The following SLC22A8 variants were observed in gnomAD, a reference collection of about 807,000 sequenced individuals.
SLC22A8 encodes solute carrier family 22 member 8.
In SLC22A8, 40 loss-of-function variants were observed where a neutral mutation model predicts 48.4. That is an observed-to-expected ratio of 0.83 (90% CI 0.64 to 1.08). The LOEUF (loss-of-function observed/expected upper bound fraction) is 1.08, where lower values mean the gene tolerates loss of function less well. SLC22A8 is among the 50% of genes least tolerant of loss of function. SLC22A8 has a pLI of 0.00. For missense variants in SLC22A8, 606 were observed against 699.0 expected, an observed-to-expected ratio of 0.87 and a Z score of 1.50; for synonymous variants, 268 against 286.3, an observed-to-expected ratio of 0.94 and a Z score of 0.65.
intron 5 of SLC22A8, among the ~76,000 whole-genome samples, chr11:62,997,257 C>T (rs558012421): frequency 6.4e-4 from 98 of 152,244 alleles, no homozygotes; most frequent in African/African-American, 2.1e-3. Context: ...TGGAGCCTCG[C>T]ACTATCGCCT....
chr11:63,000,794 C>T lies in SLC22A8; in HGVS notation c.363G>A (p.Leu121=). 1 of 1,614,118 alleles carries T rather than the reference C, an allele frequency of 6.2e-7. No homozygotes were observed. The highest frequency in any genetic ancestry group is 8.5e-7 in the Non-Finnish European group (1 of 1,179,962). Residue 121 remains leucine, a synonymous_variant, in exon 3 of 11, where the codon CTG becomes CTA. Transcript: ENST00000336232. The part of the protein sequence containing the change: ...EWDLVCNSNK[L]KEMAQSIFMA... Reference sequence around the variant, plus strand: ...TGAAGATAGACTGGGCCATCTCCTTCAGTTTGTTGGAGTTGCACACCAAGT... The same window carrying T: ...TGAAGATAGACTGGGCCATCTCCTTTAGTTTGTTGGAGTTGCACACCAAGT...
chr11:62,993,723 C>G lies in SLC22A8; in HGVS notation c.1325+47G>C, dbSNP rs540650374. ...GGACAGGACAATGCCACAGTCCCACCTGACCTGTGTCCTCTGGCTGGGCCT... is the reference window on the plus strand; with the variant it reads ...GGACAGGACAATGCCACAGTCCCACGTGACCTGTGTCCTCTGGCTGGGCCT... On this transcript the variant is annotated intron_variant, in intron 9 of 10. Transcript: ENST00000336232. The G allele has an allele frequency of 3.8e-6, 6 of 1,587,182 alleles. No homozygotes were observed. In the Admixed American group the frequency reaches 1.0e-4, roughly 26 times the overall value.
In SLC22A8 at chr11:62,993,349, A is replaced by G; in HGVS notation, c.1530-13T>C. 1 of 1,613,808 alleles carries G rather than the reference A, an allele frequency of 6.2e-7. No homozygotes were observed. The highest frequency in any genetic ancestry group is 8.5e-7 in the Non-Finnish European group (1 of 1,179,844). On this transcript the variant is annotated splice_polypyrimidine_tract_variant and intron_variant, in intron 10 of 10. Transcript: ENST00000336232. ...TGCCCGCAGGGACCTAGGGACAGAG[A>G]GCTAAGGAAAAGCCCTGGGCCCAGA...
chr11:63,008,453 T>C (rs2086580845), intron 2 of SLC22A8, among the ~76,000 whole-genome samples: 1 of 152,134 alleles, frequency 6.6e-6, no homozygotes, highest in African/African-American at 2.4e-5. Context: ...GAGCCAGGTA[T>C]CTTGGGGACA....
intron 2 of SLC22A8, among the ~76,000 whole-genome samples, chr11:63,011,084 A>T (rs1195219173): frequency 2.0e-5 from 3 of 152,152 alleles, no homozygotes; most frequent in Non-Finnish European, 4.4e-5. Context: ...GGGAAGGAGG[A>T]TCTGTGATGT....
At chr11:63,001,933 A>AT (rs1259069589) in intron 2 of SLC22A8, among the ~76,000 whole-genome samples, 19 of 151,214 alleles carry the variant, frequency 1.3e-4, no homozygotes, top group Non-Finnish European at 2.2e-4. Flanking sequence ...AATTAAATTA[A>AT]TTTTTTTTTG....
intron 7 of SLC22A8, 65 bp from the exon 8 acceptor site, chr11:62,994,821 A>G: frequency 1.6e-6 from 2 of 1,229,838 alleles, no homozygotes; most frequent in Non-Finnish European, 2.4e-6. Flanking sequence ...CATGCTGGTC[A>G]TTGGGTCACC....
intron 4 of SLC22A8, chr11:62,999,300 C>T (rs944843881): frequency 4.4e-5 from 24 of 541,922 alleles, no homozygotes; most frequent in African/African-American, 2.6e-4. Flanking sequence ...AGGCTCAAGG[C>T]GATAGGACTC....
intron 2 of SLC22A8, among the ~76,000 whole-genome samples, chr11:63,014,175 T>C (rs1205334484): frequency 6.6e-6 from 1 of 152,156 alleles, no homozygotes; most frequent in African/African-American, 2.4e-5. Context: ...TCCAGGGGCA[T>C]TTCTGTAGGG....
intron 2 of SLC22A8, among the ~76,000 whole-genome samples, chr11:63,012,740 T>C (rs970950956): frequency 2.0e-5 from 3 of 152,240 alleles, no homozygotes; most frequent in African/African-American, 7.2e-5. Context: ...ACGTGTGTAT[T>C]CCACCAAACT....
Position 62,993,197 on chromosome 11 carries a change from A to T in SLC22A8, c.*40T>A. ...TATACTCCTAAGGTGCCTGGCTAGG[A>T]TCAGTCTCTGGAGGGCAGGGAAAGG... On this transcript the variant is annotated 3_prime_UTR_variant, in exon 11 of 11. Transcript: ENST00000336232. 6.6e-7 allele frequency: 1 copy of T among 1,518,592 alleles called. No individual in the cohort carries two copies. Among genetic ancestry groups the T allele is most frequent in the Non-Finnish European group, 9.1e-7 (1 of 1,102,728 alleles). 94.1% of individuals were successfully genotyped at this position (1,518,592 alleles called of 1,614,324 possible).
At chr11:63,007,771 A>G (rs1204379576) in intron 2 of SLC22A8, among the ~76,000 whole-genome samples, 1 of 152,202 alleles carries the variant, frequency 6.6e-6, no homozygotes, top group Non-Finnish European at 1.5e-5. Flanking sequence ...TGGGGAAGAA[A>G]GAGAAAAGCA....
rs955842693 is a variant in SLC22A8, at chr11:63,014,675, C to T, written c.284G>A (p.Cys95Tyr). 6.2e-7 allele frequency: 1 copy of T among 1,612,204 alleles called. No individual in the cohort carries two copies. The highest frequency in any genetic ancestry group is 8.5e-7 in the Non-Finnish European group (1 of 1,178,614). The change falls in exon 2 of 11, where the codon TGC (cysteine) becomes TAC (tyrosine). Residue 95 changes from cysteine to tyrosine, a missense_variant. Coordinates refer to ENST00000336232, the MANE Select transcript of SLC22A8 (RefSeq NM_004254.4). ...GCTGTTGTAGACCCAGCCATCCAGG[C>T]ATGGCTCCATGGCCCTCTGGGTGTC... Reference protein sequence around the residue: ...PNDTQRAMEPCLDGWVYNSTK... With the variant: ...PNDTQRAMEPYLDGWVYNSTK...
chr11:63,009,735 G>A (rs1038326042), intron 2 of SLC22A8, among the ~76,000 whole-genome samples: 1 of 152,118 alleles, frequency 6.6e-6, no homozygotes, highest in Admixed American at 6.5e-5. Flanking sequence ...GAGGGAGACC[G>A]CCTCCACTCC....
chr11:63,008,978 A>G (rs1296763365), intron 2 of SLC22A8, among the ~76,000 whole-genome samples: 3 of 152,084 alleles, frequency 2.0e-5, no homozygotes, highest in African/African-American at 7.2e-5. Context: ...TGGAGAGCTC[A>G]CAGGAAGGTC....
intron 2 of SLC22A8, among the ~76,000 whole-genome samples, chr11:63,003,494 C>G (rs1245083095): frequency 6.6e-6 from 1 of 152,098 alleles, no homozygotes; most frequent in Non-Finnish European, 1.5e-5. Flanking sequence ...AAGGAAGAAG[C>G]AAGGGGGTGT....
chr11:63,007,381 A>G (rs1220854189), intron 2 of SLC22A8, among the ~76,000 whole-genome samples: 1 of 152,108 alleles, frequency 6.6e-6, no homozygotes, highest in African/African-American at 2.4e-5. Context: ...GCTGGAGTAC[A>G]GTGGTGCGAT....
chr11:62,999,954 T>C (rs2086472115), intron 3 of SLC22A8, 112 bp from the exon 4 acceptor site: 3 of 902,576 alleles, frequency 3.3e-6, no homozygotes, highest in East Asian at 6.5e-5. Context: ...CCTTTCCCTG[T>C]TGGGCACATA....
At chr11:62,999,303 T>C (rs1036575909) in intron 4 of SLC22A8, 2 of 543,790 alleles carry the variant, frequency 3.7e-6, no homozygotes, top group Non-Finnish European at 6.6e-6. Flanking sequence ...CTCAAGGCGA[T>C]AGGACTCAAA....
Sources: gnomAD v4.1 joint callset for allele counts (sites outside exome capture counted in the v4.1 genomes callset) on GRCh38, gnomAD v4.1.1 for gene constraint, MANE v1.5 for transcripts, NCBI Gene and HGNC (gene_info 2026-07-23, HGNC 2026-07-21) for gene names.